The following TMEM117 variants were observed in gnomAD, a reference collection of about 807,000 sequenced individuals.
TMEM117 encodes the protein transmembrane protein 117.
Under a neutral mutation model 52.4 loss-of-function variants are expected in TMEM117, and 27 were observed. The ratio of observed to expected loss-of-function variants is 0.51; its 90% CI spans 0.38 to 0.71. The LOEUF is 0.71. TMEM117 is among the 30% of genes least tolerant of loss of function. The probability of loss-of-function intolerance (pLI) is 0.00; values close to 1 mark genes in which losing one functional copy is unlikely to be tolerated. For synonymous variants in TMEM117, 215 were observed against 206.3 expected, an observed-to-expected ratio of 1.04 and a Z score of -0.36; for missense variants, 556 against 630.5, an observed-to-expected ratio of 0.88 and a Z score of 1.26.
At chr12:44,377,041 T>G (rs1951951756) in intron 7 of TMEM117, among the ~76,000 whole-genome samples, 1 of 152,154 alleles carries the variant, frequency 6.6e-6, no homozygotes, top group Non-Finnish European at 1.5e-5. Flanking sequence ...ATGTCACCTT[T>G]CCTCATGTTC....
chr12:44,312,863 G>C (rs1453703183), intron 6 of TMEM117, among the ~76,000 whole-genome samples: 1 of 152,176 alleles, frequency 6.6e-6, no homozygotes, highest in Non-Finnish European at 1.5e-5. Flanking sequence ...GATTAGTGAT[G>C]ATGAGCATTT....
chr12:43,884,562 G>A (rs1444495281), intron 2 of TMEM117, among the ~76,000 whole-genome samples: 1 of 152,104 alleles, frequency 6.6e-6, no homozygotes, highest in African/African-American at 2.4e-5. Flanking sequence ...AAGACAATTG[G>A]CTTTTCTTGG....
rs992503652 is a variant in TMEM117, at chr12:43,966,245, T to C, written c.410+21903T>C. 3.3e-5 allele frequency among the ~76,000 whole-genome samples: 5 copies of C among 152,286 alleles called. No homozygotes were observed. In the East Asian group the frequency reaches 9.6e-4, roughly 29 times the overall value. ...CTGTTTTCTCTTTATCTAAACCTTT[T>C]CCACTAGAAAAAGAAGGGGATAAGA... On this transcript the variant is annotated intron_variant, in intron 3 of 7. Transcript: ENST00000266534.
intron 1 of TMEM117, among the ~76,000 whole-genome samples, chr12:43,838,405 A>G (rs542452179): frequency 3.3e-5 from 5 of 151,340 alleles, no homozygotes; most frequent in Non-Finnish European, 7.4e-5. Context: ...GCCACCTGAG[A>G]TTGCTTTTGA....
chr12:44,280,889 T>C (rs186997269), intron 5 of TMEM117, among the ~76,000 whole-genome samples: 1 of 150,298 alleles, frequency 6.7e-6, no homozygotes, highest in Admixed American at 6.6e-5. Context: ...CCAAACAAGG[T>C]TGATGATTTG....
chr12:43,806,991 T>G, the TMEM117 span, among the ~76,000 whole-genome samples: 2 of 152,240 alleles, frequency 1.3e-5, no homozygotes, highest in African/African-American at 4.8e-5. Flanking sequence ...GTTTATTATT[T>G]AATCCAGTAA....
At chr12:43,798,627 A>C in the TMEM117 span, 6 of 1,503,954 alleles carry the variant, frequency 4.0e-6, no homozygotes, top group East Asian at 1.2e-4. Flanking sequence ...CTCGTAAAAA[A>C]AAAAAAAAAT....
At chr12:44,152,393 TATA>T (rs1204383056) in intron 4 of TMEM117, among the ~76,000 whole-genome samples, 2 of 113,766 alleles carry the variant, frequency 1.8e-5, no homozygotes, top group Non-Finnish European at 3.2e-5. Flanking sequence ...TATATTTATA[TATA>T]ATATTTATAT....
chr12:43,885,188 T>C (rs1022309299), intron 2 of TMEM117, among the ~76,000 whole-genome samples: 3 of 152,180 alleles, frequency 2.0e-5, no homozygotes, highest in African/African-American at 7.2e-5. Flanking sequence ...GAGAGCAGGA[T>C]GTCCACCTGA....
At chr12:44,296,278 A>T (rs1375970095) in intron 5 of TMEM117, among the ~76,000 whole-genome samples, 1 of 152,148 alleles carries the variant, frequency 6.6e-6, no homozygotes, top group Non-Finnish European at 1.5e-5. Context: ...CACTAGGTGG[A>T]TCCTTGGTCA....
intron 2 of TMEM117, among the ~76,000 whole-genome samples, chr12:43,934,026 A>G (rs1291932587): frequency 6.6e-6 from 1 of 152,220 alleles, no homozygotes; most frequent in Admixed American, 6.5e-5. Context: ...TATTAAGTTA[A>G]GTGATATCAA....
At chr12:43,985,267 G>A (rs1280224103) in intron 3 of TMEM117, among the ~76,000 whole-genome samples, 4 of 152,056 alleles carry the variant, frequency 2.6e-5, no homozygotes, top group Non-Finnish European at 5.9e-5. Context: ...AAGAAAAACA[G>A]CAGGATCCTG....
upstream of TMEM117, among the ~76,000 whole-genome samples, chr12:43,833,755 C>T (rs1408986778): frequency 2.6e-5 from 4 of 151,654 alleles, no homozygotes; most frequent in Non-Finnish European, 5.9e-5. Context: ...CACCACTGCA[C>T]GCCAGCCTGG....
At chr12:44,271,659 A>C (rs1295521781) in intron 5 of TMEM117, among the ~76,000 whole-genome samples, 1 of 152,064 alleles carries the variant, frequency 6.6e-6, no homozygotes, top group Non-Finnish European at 1.5e-5. Context: ...CTAGAAGAAA[A>C]CATAGGGAAA....
intron 5 of TMEM117, among the ~76,000 whole-genome samples, chr12:44,219,865 T>C (rs914573906): frequency 1.3e-5 from 2 of 152,184 alleles, no homozygotes; most frequent in Non-Finnish European, 2.9e-5. Context: ...TATCTAAAGT[T>C]CTTTGCATTC....
At chr12:43,807,049 A>C in the TMEM117 span, among the ~76,000 whole-genome samples, 2 of 152,236 alleles carry the variant, frequency 1.3e-5, no homozygotes, top group African/African-American at 2.4e-5. Flanking sequence ...AGCAGATATT[A>C]CTTAAAAATC....
chr12:44,190,896 A>G (rs868693025), intron 4 of TMEM117, among the ~76,000 whole-genome samples: 4 of 147,956 alleles, frequency 2.7e-5, no homozygotes, highest in Non-Finnish European at 4.5e-5. Context: ...TATATATATA[A>G]AGTATATATG....
intron 6 of TMEM117, among the ~76,000 whole-genome samples, chr12:44,369,748 T>C (rs1404547376): frequency 2.6e-5 from 4 of 152,336 alleles, no homozygotes; most frequent in Admixed American, 6.5e-5. Context: ...CCATCTTTAC[T>C]ACTTGTTGAA....
At chr12:44,021,430 G>A (rs573680479) in intron 3 of TMEM117, among the ~76,000 whole-genome samples, 10 of 152,156 alleles carry the variant, frequency 6.6e-5, no homozygotes, top group Non-Finnish European at 1.3e-4. Context: ...ATGTTCCTGT[G>A]TATAGTGTTA....
Sources: allele counts gnomAD v4.1 joint callset (sites outside exome capture counted in the v4.1 genomes callset), GRCh38; gene constraint gnomAD v4.1.1; transcripts MANE v1.5; gene names NCBI Gene and HGNC (gene_info 2026-07-23, HGNC 2026-07-21).